IP6K1: variants seen among roughly 807,000 people sequenced by gnomAD.
The protein encoded by IP6K1 is ATP:1D-myo-inositol-hexakisphosphate phosphotransferase.
Under a neutral mutation model 38.3 loss-of-function variants are expected in IP6K1, and 13 were observed. The observed-to-expected ratio is 0.34, with a 90% CI of 0.22 to 0.54. The LOEUF (loss-of-function observed/expected upper bound fraction) is 0.54, where lower values mean the gene tolerates loss of function less well. Among genes scored for constraint, IP6K1 ranks in the 20% least tolerant of loss-of-function variants. The pLI is 0.92. For missense variants in IP6K1, 397 were observed against 599.8 expected (o/e 0.66, Z 3.53); for synonymous variants, 212 against 229.9 (o/e 0.92, Z 0.70).
At chr3:49,769,888 G>C (rs1378153846) in intron 1 of IP6K1, among the ~76,000 whole-genome samples, 1 of 152,176 alleles carries the variant, frequency 6.6e-6, no homozygotes, top group Non-Finnish European at 1.5e-5. Flanking sequence ...GAGGCTTCCT[G>C]CAAAGAGCTT....
At position 49,726,147 on chromosome 3, in the gene IP6K1, C is replaced by T. The variant is rs561493126; in HGVS notation, c.*975G>A. ...TGTGAGCAAAAAAGCTTAAAGTTCT[C>T]CCTCCAGGCCCAGGGCCAAGAGCGC... On this transcript the variant is annotated 3_prime_UTR_variant, in exon 6 of 6. Coordinates refer to ENST00000321599, the MANE Select transcript of IP6K1 (RefSeq NM_153273.4). 7 of 152,798 alleles carry T rather than the reference C, an allele frequency of 4.6e-5. No homozygotes were observed. Among genetic ancestry groups the T allele is most frequent in the African/African-American group, 1.7e-4 (7 of 41,578 alleles). 9.5% of individuals were successfully genotyped at this position (152,798 alleles called of 1,614,324 possible). A position where few individuals can be genotyped will look rare whatever the true frequency, so the allele number is the denominator to read the frequency against.
At chr3:49,759,789 A>G (rs979659143) in intron 1 of IP6K1, among the ~76,000 whole-genome samples, 1 of 152,244 alleles carries the variant, frequency 6.6e-6, no homozygotes, top group Admixed American at 6.5e-5. Context: ...AAGAAAACCT[A>G]TAACAAGGGG....
At chr3:49,747,688 C>T in intron 2 of IP6K1, 130 bp downstream of exon 2, 1 of 1,211,424 alleles carries the variant, frequency 8.3e-7, no homozygotes, top group Non-Finnish European at 1.1e-6. Context: ...TTTTATCTAA[C>T]AAAGTGACTT....
chr3:49,742,276 A>C (rs143952533), intron 2 of IP6K1, among the ~76,000 whole-genome samples: 50 of 152,338 alleles, frequency 3.3e-4, no homozygotes, highest in African/African-American at 1.2e-3. Context: ...TAGGCTGGGC[A>C]CGGTGGCTTA....
At chr3:49,732,178 C>G (rs2080568321) in intron 4 of IP6K1, among the ~76,000 whole-genome samples, 1 of 152,138 alleles carries the variant, frequency 6.6e-6, no homozygotes, top group Admixed American at 6.5e-5. Context: ...GATCCTCCTG[C>G]CTCAGCCTCC....
chr3:49,767,316 C>T (rs1036207252), intron 1 of IP6K1, among the ~76,000 whole-genome samples: 2 of 151,998 alleles, frequency 1.3e-5, no homozygotes, highest in South Asian at 2.1e-4. Flanking sequence ...CGGTGGCTCA[C>T]GCCTGTAATC....
At chr3:49,775,565 G>T in intron 1 of IP6K1, 1 of 1,047,362 alleles carries the variant, frequency 9.5e-7, no homozygotes, top group Non-Finnish European at 1.4e-6. Flanking sequence ...GGAGCTCTAA[G>T]ACAGACCTCT....
At chr3:49,776,409 C>G (rs963808901) in intron 1 of IP6K1, among the ~76,000 whole-genome samples, 1 of 151,708 alleles carries the variant, frequency 6.6e-6, no homozygotes, top group African/African-American at 2.4e-5. Flanking sequence ...CCCAACTATT[C>G]GCGAGGCTGA....
At chr3:49,745,748 G>GGGAAGCT in intron 2 of IP6K1, among the ~76,000 whole-genome samples, 1 of 151,184 alleles carries the variant, frequency 6.6e-6, no homozygotes, top group South Asian at 2.1e-4. Context: ...CCAGCTACTT[G>GGGAAGCT]GGAGGCTGAG....
Position 49,741,462 on chromosome 3 carries a change from G to GA in IP6K1, c.224-3041dup, listed in dbSNP as rs1203319750. Among the ~76,000 whole-genome samples the GA allele has an allele frequency of 3.3e-5, 5 of 152,168 alleles. No individual in the cohort carries two copies. In the East Asian group the frequency reaches 9.7e-4, roughly 29 times the overall value. On this transcript the variant is annotated intron_variant, in intron 2 of 5. Transcript: ENST00000321599. ...ACTGGCCATCTGTATGTCCTCTCTGGAAAAATCTCTATTCAAGCCCTTTGT... is the reference window on the plus strand; with the variant it reads ...ACTGGCCATCTGTATGTCCTCTCTGGAAAAAATCTCTATTCAAGCCCTTTGT...
chr3:49,753,637 A>C (rs2080797677), intron 1 of IP6K1, among the ~76,000 whole-genome samples: 1 of 152,202 alleles, frequency 6.6e-6, no homozygotes, highest in African/African-American at 2.4e-5. Context: ...TACATAACAG[A>C]TGTATATAGT....
At chr3:49,739,940 G>A (rs1356516625) in intron 2 of IP6K1, among the ~76,000 whole-genome samples, 3 of 152,028 alleles carry the variant, frequency 2.0e-5, no homozygotes, top group Non-Finnish European at 4.4e-5. Context: ...ACTTGAAGCC[G>A]GGAGACGGAG....
In IP6K1 at chr3:49,727,393, C is replaced by T. The variant is rs754376936; in HGVS notation, c.1055G>A (p.Arg352His). ...KECRAESCLD[R>H]RSEMRLKHLD... is the part of the protein sequence containing the mutation. ...GTGCTTGAGACGCATCTCAGACCGG[C>T]GGTCCAGGCAGGACTCAGCCCGGCA... The change falls in exon 6 of 6, where the codon CGC becomes CAC. Residue 352 changes from arginine to histidine, a missense_variant. By Grantham distance (29) the Arg-to-His change is conservative. Transcript: ENST00000321599. This position sits in a 1 kb window ranked among gnomAD's most constrained non-coding sequence, Gnocchi z 5.9. 6.2e-5 allele frequency: 100 copies of T among 1,613,890 alleles called. No individual in the cohort carries two copies. The highest frequency in any genetic ancestry group is 8.1e-5 in the Non-Finnish European group (96 of 1,180,008).
At chr3:49,785,357 T>C (rs1041522612) in intron 1 of IP6K1, 2 of 152,010 alleles carry the variant, frequency 1.3e-5, no homozygotes, top group Non-Finnish European at 2.9e-5. Flanking sequence ...AATACAAAAA[T>C]TAGCCGGGCA....
intron 4 of IP6K1, among the ~76,000 whole-genome samples, chr3:49,731,802 C>T (rs1313094685): frequency 2.0e-5 from 3 of 146,392 alleles, no homozygotes; most frequent in African/African-American, 5.0e-5. Context: ...GCATGAAAAT[C>T]TCTTGAACCC....
At chr3:49,748,277 T>C (rs955298247) in intron 1 of IP6K1, 109 bp from the exon 2 acceptor site, 5 of 555,884 alleles carry the variant, frequency 9.0e-6, no homozygotes, top group Non-Finnish European at 1.6e-5. Context: ...CTACTATGTG[T>C]ATCCCTAGCA....
intron 1 of IP6K1, among the ~76,000 whole-genome samples, chr3:49,771,069 T>C (rs375842950): frequency 5.3e-5 from 8 of 150,584 alleles, no homozygotes; most frequent in African/African-American, 2.0e-4. Flanking sequence ...CACTAAGTTA[T>C]GATCACGCTA....
intron 2 of IP6K1, 84 bp from the exon 3 acceptor site, chr3:49,738,506 C>T (rs1378269756): frequency 1.9e-6 from 2 of 1,055,832 alleles, no homozygotes; most frequent in South Asian, 1.3e-5. Flanking sequence ...CACTTTCCCA[C>T]ACAGCATGAA....
chr3:49,742,971 G>C (rs778079949), intron 2 of IP6K1, among the ~76,000 whole-genome samples: 13 of 151,074 alleles, frequency 8.6e-5, no homozygotes, highest in Non-Finnish European at 1.5e-5. Flanking sequence ...GCTCATACCT[G>C]TATCCAGGCA....
Sources: allele counts gnomAD v4.1 joint callset (sites outside exome capture counted in the v4.1 genomes callset), GRCh38; gene constraint gnomAD v4.1.1; non-coding constraint Gnocchi (gnomAD v3.1); transcripts MANE v1.5; gene names NCBI Gene and HGNC (gene_info 2026-07-23, HGNC 2026-07-21).